Variants in SFTPB observed in about 807,000 individuals in gnomAD.
SFTPB encodes surfactant protein B.
Under a neutral mutation model 51.0 loss-of-function variants are expected in SFTPB, and 32 were observed. That is an observed-to-expected ratio of 0.63 (90% CI 0.47 to 0.84). The LOEUF (loss-of-function observed/expected upper bound fraction) is 0.84. SFTPB is among the 40% of genes least tolerant of loss of function. The probability of loss-of-function intolerance (pLI) is 0.00; values close to 1 mark genes in which losing one functional copy is unlikely to be tolerated. For missense variants in SFTPB, 431 were observed against 491.2 expected, an observed-to-expected ratio of 0.88 and a Z score of 1.16; for synonymous variants, 211 against 208.5, an observed-to-expected ratio of 1.01 and a Z score of -0.10.
chr2:85,658,674 C>T lies in SFTPB; in HGVS notation c.*1028G>A, dbSNP rs1260806199. 2.0e-5 allele frequency: 3 copies of T among 152,070 alleles called. No homozygotes were observed. The highest frequency in any genetic ancestry group is 7.2e-5 in the African/African-American group (3 of 41,386). The allele number at this position is 152,070 out of a possible 1,614,324, so 9.4% of individuals were successfully genotyped here. ...AGTAGTTGGGATTACAGGCATATGC[C>T]ACCACACTTGGCTAATTTTTTGTAT... is the stretch of plus-strand genomic sequence containing the variant. On this transcript the variant is annotated 3_prime_UTR_variant, in exon 11 of 11. Transcript: ENST00000519937.
intron 1 of SFTPB, 57 bp from the exon 2 acceptor site, chr2:85,667,863 A>T (rs1677736949): frequency 1.9e-6 from 3 of 1,612,676 alleles, no homozygotes; most frequent in Non-Finnish European, 2.5e-6. Flanking sequence ...ACCTGGCATC[A>T]TGATTTCACC....
chr2:85,660,569 C>T (rs1276162541), intron 10 of SFTPB, among the ~76,000 whole-genome samples: 3 of 150,440 alleles, frequency 2.0e-5, no homozygotes, highest in Non-Finnish European at 2.9e-5. Context: ...CCTGCCTAAG[C>T]GTCCTGAGTA....
chr2:85,666,543 G>A (rs142321980), intron 4 of SFTPB, 74 bp downstream of exon 4: 226 of 1,519,612 alleles, frequency 1.5e-4, no homozygotes, highest in Non-Finnish European at 1.9e-4. Flanking sequence ...GGGGTGCTGT[G>A]TGTGTGGCTC....
intron 4 of SFTPB, among the ~76,000 whole-genome samples, 184 bp from the exon 5 acceptor site, chr2:85,665,978 A>C (rs1487866880): frequency 6.6e-6 from 1 of 152,124 alleles, no homozygotes; most frequent in Non-Finnish European, 1.5e-5. Context: ...ACTTTAGGGC[A>C]GGTGGCCGGG....
At position 85,663,675 on chromosome 2, in the gene SFTPB, C is replaced by A. The variant is rs45551431; in HGVS notation, c.845G>T (p.Ser282Ile). The A allele has an allele frequency of 5.0e-6, 8 of 1,611,964 alleles. No homozygotes were observed. Among genetic ancestry groups the A allele is most frequent in the Non-Finnish European group, 6.8e-6 (8 of 1,179,272 alleles). The change falls in exon 7 of 11, where the codon AGC becomes ATC. Residue 282 changes from serine to isoleucine, a missense_variant. Ser to Ile is a moderately radical substitution (Grantham distance 142, BLOSUM62 -2). Coordinates refer to ENST00000519937, the MANE Select transcript of SFTPB (RefSeq NM_000542.5). ...RLVLRCSMDD[S>I]AGPRSPTGEW... Reference sequence around the variant, plus strand: ...GGCAGTGGGCTCACTTGGGCCAGCGCTGTCATCCATGGAGCACCGGAGGAC... The same window carrying A: ...GGCAGTGGGCTCACTTGGGCCAGCGATGTCATCCATGGAGCACCGGAGGAC...
At position 85,667,995 on chromosome 2, in the gene SFTPB, C is replaced by T. The variant is rs1286662168; in HGVS notation, c.67+122G>A. On this transcript the variant is annotated intron_variant, in intron 1 of 10. Coordinates refer to ENST00000519937, the MANE Select transcript of SFTPB (RefSeq NM_000542.5). ...TGTGACCTTGGATAAGCTCTGAACC[C>T]TCTCTGAACCCCAGCTGCCTTGTCT... The T allele has an allele frequency of 1.9e-5, 22 of 1,177,544 alleles. No individual in the cohort carries two copies. In the East Asian group the frequency reaches 5.4e-4, roughly 29 times the overall value. The allele number at this position is 1,177,544 out of a possible 1,614,324, so 72.9% of individuals were successfully genotyped here. A position where few individuals can be genotyped will look rare whatever the true frequency, so the allele number is the denominator to read the frequency against.
chr2:85,668,228 A>C, upstream of SFTPB: 1 of 1,540,468 alleles, frequency 6.5e-7, no homozygotes, highest in Non-Finnish European at 8.8e-7. Flanking sequence ...ATGGCCCCTT[A>C]TAGCTGGGCG....
chr2:85,668,438 C>T (rs1213359792), upstream of SFTPB, among the ~76,000 whole-genome samples: 1 of 152,236 alleles, frequency 6.6e-6, no homozygotes, highest in Non-Finnish European at 1.5e-5. Flanking sequence ...CTTCCTCCAA[C>T]CAGGGGCTCT....
At chr2:85,660,691 G>A (rs1433728967) in intron 10 of SFTPB, among the ~76,000 whole-genome samples, 1 of 152,106 alleles carries the variant, frequency 6.6e-6, no homozygotes, top group East Asian at 1.9e-4. Flanking sequence ...CTGACCTCAG[G>A]TGATCTGCCT....
At chr2:85,664,225 C>G (rs984544294) in intron 6 of SFTPB, among the ~76,000 whole-genome samples, 5 of 152,166 alleles carry the variant, frequency 3.3e-5, no homozygotes, top group Admixed American at 3.3e-4. Flanking sequence ...AGGGAGCTCT[C>G]TGTTTTTTTG....
chr2:85,665,508 C>T, intron 5 of SFTPB, 98 bp downstream of exon 5: 3 of 1,488,662 alleles, frequency 2.0e-6, no homozygotes, highest in Non-Finnish European at 2.8e-6. Flanking sequence ...CTATCACCTT[C>T]CCGGCTCTGC....
chr2:85,663,741 G>A lies in SFTPB; in HGVS notation c.779C>T (p.Thr260Met), dbSNP rs546778802. The part of the protein sequence containing the change: ...AERYSVILLD[T>M]LLGRMLPQLV... ...CTGGGGCAGCATGCGGCCCAGCAGC[G>A]TGTCGAGCAGGATGACGGAGTAGCG... is the stretch of plus-strand genomic sequence containing the variant. The change falls in exon 7 of 11, where the codon ACG becomes ATG. Residue 260 changes from threonine to methionine, a missense_variant. Transcript: ENST00000519937. 1.4e-5 allele frequency: 23 copies of A among 1,611,002 alleles called. No individual in the cohort carries two copies. The highest frequency in any genetic ancestry group is 1.7e-4 in the Middle Eastern group (1 of 6,044).
At chr2:85,663,226 T>G (rs1292121955) in intron 8 of SFTPB, 120 bp downstream of exon 8, 9 of 1,348,646 alleles carry the variant, frequency 6.7e-6, no homozygotes, top group African/African-American at 1.4e-5. Context: ...ACATCCTGTC[T>G]GCCTGTCTGT....
rs1677667354 is a variant in SFTPB at position 85,666,732 on chromosome 2, C to T, written c.278G>A (p.Arg93Lys). The change falls in exon 4 of 11, where the codon AGG (arginine) becomes AAG (lysine). Residue 93 changes from arginine (R) to lysine (K), a missense_variant. Transcript: ENST00000519937. ...AKEAIFQDTMRKFLEQECNVL... is the reference protein window; with the variant it reads ...AKEAIFQDTMKKFLEQECNVL... ...GTTGCACTCCTGCTCCAGGAACTTC[C>T]TCATCGTGTCCTGGGAGGCCAGAGG... 3 of 1,613,812 alleles carry T rather than the reference C, an allele frequency of 1.9e-6. No individual in the cohort carries two copies. In the Admixed American group the frequency reaches 5.0e-5, roughly 27 times the overall value.
upstream of SFTPB, chr2:85,668,594 C>T (rs1242354128): frequency 8.4e-6 from 2 of 239,174 alleles, no homozygotes; most frequent in Non-Finnish European, 1.7e-5. Flanking sequence ...GAGCAATGCT[C>T]TTGAGAGCTT....
In SFTPB at chr2:85,667,144, G is replaced by C; in HGVS notation, c.229C>G (p.His77Asp). The stretch of plus-strand genomic sequence containing the variant: ...TCCTTGGCCATCTTGTTAAGGATGT[G>C]GACGATGTCCTCACACTCTTGGCAT... ...DLCQECEDIVHILNKMAKEAI... is the reference protein window; with the variant it reads ...DLCQECEDIVDILNKMAKEAI... The change falls in exon 3 of 11, where the codon CAC becomes GAC. Residue 77 changes from histidine to aspartate, a missense_variant. Transcript: ENST00000519937. 1 of 1,613,976 alleles carries C rather than the reference G, an allele frequency of 6.2e-7. No homozygotes were observed. The highest frequency in any genetic ancestry group is 8.5e-7 in the Non-Finnish European group (1 of 1,179,850).
intron 6 of SFTPB, among the ~76,000 whole-genome samples, chr2:85,664,762 C>T (rs1677488146): frequency 6.6e-6 from 1 of 152,234 alleles, no homozygotes; most frequent in African/African-American, 2.4e-5. Flanking sequence ...CCACGCAACC[C>T]TATCTGGGAA....
intron 8 of SFTPB, among the ~76,000 whole-genome samples, chr2:85,662,985 G>A (rs925630603): frequency 6.6e-6 from 1 of 152,154 alleles, no homozygotes; most frequent in African/African-American, 2.4e-5. Context: ...TGTGGGGGCA[G>A]TAAAGGGATC....
intron 4 of SFTPB, among the ~76,000 whole-genome samples, chr2:85,666,221 G>A (rs1471682285): frequency 7.3e-6 from 1 of 136,634 alleles, no homozygotes; most frequent in Non-Finnish European, 1.6e-5. Flanking sequence ...TGTGCTGTGT[G>A]TGTGTGTGTG....
Sources: allele counts gnomAD v4.1 joint callset (sites outside exome capture counted in the v4.1 genomes callset), GRCh38; gene constraint gnomAD v4.1.1; transcripts MANE v1.5; gene names NCBI Gene and HGNC (gene_info 2026-07-23, HGNC 2026-07-21).